Variants in CTNNA3 observed in about 807,000 individuals in gnomAD.
CTNNA3 encodes the protein catenin alpha-3.
A neutral mutation model predicts 95.7 loss-of-function variants in CTNNA3; 76 were observed. The ratio of observed to expected loss-of-function variants is 0.79; its 90% CI spans 0.66 to 0.96. The LOEUF is 0.96. Ranked by LOEUF, CTNNA3 falls within the 40% of genes least tolerant of loss-of-function variation. CTNNA3 has a pLI of 0.00. For missense variants in CTNNA3, 1,191 were observed against 1,089.8 expected, an observed-to-expected ratio of 1.09 and a Z score of -1.31; for synonymous variants, 431 against 374.4, an observed-to-expected ratio of 1.15 and a Z score of -1.74.
At chr10:66,857,655 A>C (rs899864020) in intron 7 of CTNNA3, among the ~76,000 whole-genome samples, 2 of 151,716 alleles carry the variant, frequency 1.3e-5, no homozygotes, top group Non-Finnish European at 2.9e-5. Flanking sequence ...TAGGTATTTT[A>C]TTGTTTTGTG....
chr10:67,280,458 C>T (rs1236006073), intron 5 of CTNNA3, among the ~76,000 whole-genome samples: 2 of 138,714 alleles, frequency 1.4e-5, no homozygotes, highest in Non-Finnish European at 3.2e-5. Context: ...AAAAATTAGG[C>T]ACACAGATCC....
intron 7 of CTNNA3, among the ~76,000 whole-genome samples, chr10:66,993,099 G>A (rs1458701632): frequency 6.6e-6 from 1 of 152,158 alleles, no homozygotes; most frequent in African/African-American, 2.4e-5. Context: ...GGACGATCAT[G>A]AGGTCCAAAA....
chr10:66,955,806 AT>A (rs1848759381), intron 7 of CTNNA3, among the ~76,000 whole-genome samples: 1 of 152,130 alleles, frequency 6.6e-6, no homozygotes, highest in African/African-American at 2.4e-5. Context: ...TTCTCCTAGT[AT>A]TTCTGCCTTC....
rs1346260910 is a variant in CTNNA3, at chr10:66,830,860, C to T, written c.1048-55336G>A. Among the ~76,000 whole-genome samples, 3 of 152,144 alleles carry T rather than the reference C, an allele frequency of 2.0e-5. No individual in the cohort carries two copies. In the East Asian group the frequency reaches 5.8e-4, roughly 29 times the overall value. ...TCCTGACCTCGTGATCCGCCTGCCT[C>T]GGCCTCCCAAAGTGCTGGGATTACA... On this transcript the variant is annotated intron_variant, in intron 7 of 17. Transcript: ENST00000433211.
intron 5 of CTNNA3, among the ~76,000 whole-genome samples, chr10:67,512,782 C>A (rs1016604242): frequency 6.6e-6 from 1 of 151,600 alleles, no homozygotes; most frequent in Admixed American, 6.6e-5. Flanking sequence ...GTCAAGAGAT[C>A]GATACCATCC....
At chr10:66,682,851 G>A (rs369423351) in intron 9 of CTNNA3, among the ~76,000 whole-genome samples, 266 of 152,012 alleles carry the variant, frequency 1.7e-3, no homozygotes, top group African/African-American at 6.3e-3. Context: ...TAAATTGAGG[G>A]CCAACAAGCA....
intron 10 of CTNNA3, among the ~76,000 whole-genome samples, chr10:66,552,320 T>A (rs370128029): frequency 6.6e-6 from 1 of 152,054 alleles, no homozygotes; most frequent in African/African-American, 2.4e-5. Context: ...TGTATTGGAG[T>A]TTTAGCCAAA....
At chr10:66,314,952 T>C (rs2092078701) in intron 12 of CTNNA3, among the ~76,000 whole-genome samples, 1 of 152,064 alleles carries the variant, frequency 6.6e-6, no homozygotes, top group Admixed American at 6.6e-5. Flanking sequence ...AAGTGACAGT[T>C]CTTAGAAAGA....
chr10:67,037,625 C>A (rs1489463197), intron 7 of CTNNA3, among the ~76,000 whole-genome samples: 1 of 151,966 alleles, frequency 6.6e-6, no homozygotes, highest in Non-Finnish European at 1.5e-5. Context: ...ATGATGAAAA[C>A]CTGAACTAAG....
At chr10:66,283,536 A>G (rs1436130693) in intron 12 of CTNNA3, among the ~76,000 whole-genome samples, 2 of 151,868 alleles carry the variant, frequency 1.3e-5, no homozygotes, top group Non-Finnish European at 2.9e-5. Flanking sequence ...TCTTACAAAA[A>G]AATACAACAC....
chr10:66,269,925 C>G (rs1296203153), intron 13 of CTNNA3, among the ~76,000 whole-genome samples: 5 of 152,158 alleles, frequency 3.3e-5, no homozygotes, highest in African/African-American at 1.2e-4. Context: ...TAGCATCAAA[C>G]AGACATGTAC....
At chr10:67,129,131 G>A (rs1182448670) in intron 7 of CTNNA3, among the ~76,000 whole-genome samples, 3 of 152,072 alleles carry the variant, frequency 2.0e-5, no homozygotes, top group African/African-American at 4.8e-5. Context: ...GTGAGGGAAG[G>A]GACTGTGACA....
intron 4 of CTNNA3, among the ~76,000 whole-genome samples, chr10:67,538,157 TAAAAAAAA>T (rs1176919938): frequency 0.13 from 7,425 of 59,356 alleles, 273 homozygotes; most frequent in South Asian, 0.28. Flanking sequence ...CTACTTAAAC[TAAAAAAAA>T]AAAAAAAAAA....
Position 67,219,662 on chromosome 10 carries a change from G to T in CTNNA3, c.788C>A (p.Thr263Lys). ...TGCTGCCTGAGGTTCTGGTGGGGTT[G>T]TCATATTCTGGATCCCTTGTGAAGC... Reference protein sequence around the residue: ...SNASQGIQNMTTPPEPQAATL... With the variant: ...SNASQGIQNMKTPPEPQAATL... Residue 263 changes from threonine (T) to lysine (K), a missense_variant, in exon 6 of 18, where the codon ACA (threonine) becomes AAA (lysine). Transcript: ENST00000433211. 1.2e-6 allele frequency: 2 copies of T among 1,614,136 alleles called. No individual in the cohort carries two copies. The highest frequency in any genetic ancestry group is 1.7e-6 in the Non-Finnish European group (2 of 1,180,010).
chr10:66,380,765 T>C lies in CTNNA3; in HGVS notation c.1532-1413A>G, dbSNP rs370917279. On this transcript the variant is annotated intron_variant, in intron 11 of 17. Transcript: ENST00000433211. ...AATTACTGAGATCTTACTGTTATAA[T>C]TGTTTTCTGTGTGTGTTTTAAAGAA... 4.5e-4 allele frequency among the ~76,000 whole-genome samples: 68 copies of C among 152,032 alleles called. 1 individual carries two copies. In the South Asian group the frequency reaches 0.014, roughly 31 times the overall value.
At chr10:66,500,137 G>C (rs895730345) in intron 11 of CTNNA3, among the ~76,000 whole-genome samples, 1 of 151,840 alleles carries the variant, frequency 6.6e-6, no homozygotes, top group Non-Finnish European at 1.5e-5. Flanking sequence ...GATTTTAAAA[G>C]CCACAAACAA....
intron 5 of CTNNA3, among the ~76,000 whole-genome samples, chr10:67,393,025 G>A (rs958788812): frequency 2.0e-5 from 3 of 151,474 alleles, no homozygotes; most frequent in Non-Finnish European, 2.9e-5. Flanking sequence ...CCTGCACAAT[G>A]TACACATGTA....
chr10:67,086,160 AT>A (rs901204085), intron 7 of CTNNA3, among the ~76,000 whole-genome samples: 33 of 151,960 alleles, frequency 2.2e-4, no homozygotes, highest in East Asian at 1.2e-3. Flanking sequence ...GAAACAGTAT[AT>A]TTTTTTTCAT....
chr10:67,374,886 A>G (rs1474570432), intron 5 of CTNNA3, among the ~76,000 whole-genome samples: 1 of 152,184 alleles, frequency 6.6e-6, no homozygotes, highest in Non-Finnish European at 1.5e-5. Flanking sequence ...CAAATATACA[A>G]CTTATTTAGT....
Sources: gnomAD v4.1 joint callset for allele counts (sites outside exome capture counted in the v4.1 genomes callset) on GRCh38, gnomAD v4.1.1 for gene constraint, MANE v1.5 for transcripts, NCBI Gene and HGNC (gene_info 2026-07-23, HGNC 2026-07-21) for gene names.